Variants in CCDC178 observed in about 807,000 individuals in gnomAD.
CCDC178 encodes coiled-coil domain containing 178.
CCDC178 carries 126 observed loss-of-function variants against 117.4 expected under a neutral mutation model. The ratio of observed to expected loss-of-function variants is 1.07; its 90% confidence interval spans 0.93 to 1.24. The LOEUF is 1.24. Ranked by LOEUF, CCDC178 falls within the 50% of genes most tolerant of loss-of-function variation. The pLI is 0.00. For synonymous variants in CCDC178, 283 were observed against 313.4 expected (o/e 0.90, Z 1.02); for missense variants, 1,030 against 986.9 (o/e 1.04, Z -0.59).
At chr18:33,035,249 T>A (rs1176917227) in intron 21 of CCDC178, among the ~76,000 whole-genome samples, 2 of 151,758 alleles carry the variant, frequency 1.3e-5, no homozygotes, top group Admixed American at 1.3e-4. Context: ...AAACACTATA[T>A]GAGTCAGAAT....
chr18:33,065,506 C>T (rs2056997230), intron 21 of CCDC178, among the ~76,000 whole-genome samples: 1 of 152,074 alleles, frequency 6.6e-6, no homozygotes, highest in South Asian at 2.1e-4. Flanking sequence ...AGCATAAAAA[C>T]ACCTGTTAAA....
intron 20 of CCDC178, among the ~76,000 whole-genome samples, chr18:33,097,504 T>C (rs1473234513): frequency 1.3e-5 from 2 of 152,100 alleles, no homozygotes; most frequent in Non-Finnish European, 2.9e-5. Context: ...GTATTTGTTA[T>C]ACAACCAAAG....
At chr18:33,437,148 C>G (rs1447876367) in intron 2 of CCDC178, among the ~76,000 whole-genome samples, 1 of 152,144 alleles carries the variant, frequency 6.6e-6, no homozygotes, top group Non-Finnish European at 1.5e-5. Context: ...TTTTCAGCCT[C>G]TCAAAGAATT....
chr18:32,958,653 T>C (rs145127670), intron 22 of CCDC178, among the ~76,000 whole-genome samples: 16 of 152,316 alleles, frequency 1.1e-4, no homozygotes, highest in East Asian at 5.8e-4. Flanking sequence ...ATGGCAATAA[T>C]TGAAGCAGGT....
intron 2 of CCDC178, among the ~76,000 whole-genome samples, chr18:33,427,844 T>C (rs183953230): frequency 5.5e-4 from 84 of 152,312 alleles, no homozygotes; most frequent in Non-Finnish European, 9.4e-4. Flanking sequence ...GCCTTCACGA[T>C]GTTAAATTAT....
At chr18:33,201,587 T>G (rs1292982502) in intron 20 of CCDC178, among the ~76,000 whole-genome samples, 8 of 152,132 alleles carry the variant, frequency 5.3e-5, no homozygotes, top group Non-Finnish European at 1.2e-4. Flanking sequence ...GAGGCGGGGC[T>G]TCAGTTGGCT....
chr18:33,440,290 ACTGGG>A (rs1470803442), intron 1 of CCDC178, among the ~76,000 whole-genome samples: 154 of 32,394 alleles, frequency 4.8e-3, no homozygotes, highest in African/African-American at 0.017. Flanking sequence ...GGCAGTGGGG[ACTGGG>A]GGACTGGGGG....
At chr18:33,170,901 A>G (rs563868996) in intron 20 of CCDC178, among the ~76,000 whole-genome samples, 2 of 151,828 alleles carry the variant, frequency 1.3e-5, no homozygotes, top group East Asian at 3.9e-4. Flanking sequence ...TTATAGTAGC[A>G]CATTATTTTC....
At chr18:33,299,451 A>G (rs1182007800) in intron 11 of CCDC178, among the ~76,000 whole-genome samples, 1 of 151,796 alleles carries the variant, frequency 6.6e-6, no homozygotes, top group Admixed American at 6.6e-5. Context: ...AAATCAAGTC[A>G]ACATGGATGA....
chr18:33,397,770 TAAAAG>T (rs1433205445), intron 3 of CCDC178, among the ~76,000 whole-genome samples: 4 of 152,128 alleles, frequency 2.6e-5, no homozygotes, highest in Non-Finnish European at 5.9e-5. Context: ...ATGATTTTTA[TAAAAG>T]AAAAGACAGC....
rs745963109 is a variant in CCDC178 at position 33,378,041 on chromosome 18, G to A, written c.209-7852C>T. 3.9e-5 allele frequency among the ~76,000 whole-genome samples: 6 copies of A among 152,126 alleles called. No homozygotes were observed. The South Asian group carries it at 8.3e-4, about 21-fold the overall frequency. On this transcript the variant is annotated intron_variant, in intron 5 of 22. Coordinates refer to ENST00000383096, the MANE Select transcript of CCDC178 (RefSeq NM_001105528.4). ...ATATGTAGATTGCTTTGAGCCATAC[G>A]GCCATTTAATCGGCATTGATTCTTT...
intron 21 of CCDC178, among the ~76,000 whole-genome samples, chr18:33,047,068 T>C (rs182205495): frequency 4.3e-4 from 65 of 152,294 alleles, no homozygotes; most frequent in African/African-American, 1.4e-3. Context: ...GAAATACATA[T>C]AATGACTTTG....
chr18:33,278,496 A>T (rs1397866290), intron 12 of CCDC178, among the ~76,000 whole-genome samples: 1 of 151,868 alleles, frequency 6.6e-6, no homozygotes, highest in African/African-American at 2.4e-5. Context: ...ATTGAATAAC[A>T]TTTTTATTTT....
intron 18 of CCDC178, 41 bp downstream of exon 18, chr18:33,223,065 A>C: frequency 6.9e-7 from 1 of 1,439,384 alleles, no homozygotes; most frequent in African/African-American, 1.4e-5. Flanking sequence ...GACATACATA[A>C]ACTGTAAATT....
At chr18:32,947,601 T>C (rs1388182713) in intron 22 of CCDC178, among the ~76,000 whole-genome samples, 2 of 152,186 alleles carry the variant, frequency 1.3e-5, no homozygotes, top group African/African-American at 4.8e-5. Context: ...TTAACATTTA[T>C]ATTCTGGATA....
chr18:32,964,513 G>A (rs902417155), intron 22 of CCDC178, among the ~76,000 whole-genome samples: 1 of 151,984 alleles, frequency 6.6e-6, no homozygotes, highest in Non-Finnish European at 1.5e-5. Context: ...TTGGCAAAAT[G>A]TTGAATTTTC....
chr18:33,399,092 C>G (rs544235814), intron 3 of CCDC178, among the ~76,000 whole-genome samples: 85 of 151,936 alleles, frequency 5.6e-4, no homozygotes, highest in Admixed American at 1.6e-3. Context: ...CCCAGCTACA[C>G]GGGAGGCTGA....
At chr18:33,124,433 C>G (rs1335699744) in intron 20 of CCDC178, among the ~76,000 whole-genome samples, 1 of 152,154 alleles carries the variant, frequency 6.6e-6, no homozygotes, top group Admixed American at 6.6e-5. Context: ...GAGTTCTTTA[C>G]TTGTTATTTC....
intron 9 of CCDC178, among the ~76,000 whole-genome samples, chr18:33,338,367 T>C (rs958344602): frequency 6.6e-6 from 1 of 152,130 alleles, no homozygotes; most frequent in Non-Finnish European, 1.5e-5. Context: ...GAACTAAAAG[T>C]AGATCTCCCA....
Sources: allele counts gnomAD v4.1 joint callset (sites outside exome capture counted in the v4.1 genomes callset), GRCh38; gene constraint gnomAD v4.1.1; transcripts MANE v1.5; gene names NCBI Gene and HGNC (gene_info 2026-07-23, HGNC 2026-07-21).